The following LMNB1 variants were observed in gnomAD, a reference collection of about 807,000 sequenced individuals.
The protein encoded by LMNB1 is lamin-B1.
Under a neutral mutation model 67.1 loss-of-function variants are expected in LMNB1, and 23 were observed. The ratio of observed to expected loss-of-function variants is 0.34; its 90% CI spans 0.25 to 0.49. The LOEUF (loss-of-function observed/expected upper bound fraction) is 0.49. Among genes scored for constraint, LMNB1 ranks in the 20% least tolerant of loss-of-function variants. The pLI is 0.99. For missense variants in LMNB1, 634 were observed against 746.5 expected (o/e 0.85, Z 1.76); for synonymous variants, 281 against 282.9 (o/e 0.99, Z 0.07).
At chr5:126,824,613 A>G (rs933335652) in intron 8 of LMNB1, among the ~76,000 whole-genome samples, 1 of 152,240 alleles carries the variant, frequency 6.6e-6, no homozygotes, top group Non-Finnish European at 1.5e-5. Flanking sequence ...GTGATTACAT[A>G]TAGGCTAGTG....
intron 1 of LMNB1, among the ~76,000 whole-genome samples, chr5:126,800,808 A>C (rs959794584): frequency 6.8e-6 from 1 of 146,958 alleles, no homozygotes; most frequent in African/African-American, 2.5e-5. Context: ...ATGTGCCATC[A>C]CGCCTGGCTA....
intron 1 of LMNB1, among the ~76,000 whole-genome samples, chr5:126,800,960 T>C (rs1255457223): frequency 5.5e-5 from 4 of 73,000 alleles, no homozygotes; most frequent in Admixed American, 1.6e-4. Context: ...ACTATATATA[T>C]ATATATATAT....
chr5:126,824,141 A>G (rs1456674438), intron 8 of LMNB1, among the ~76,000 whole-genome samples: 1 of 152,228 alleles, frequency 6.6e-6, no homozygotes, highest in East Asian at 1.9e-4. Context: ...AAATGTGATA[A>G]GCAGCTCTTT....
Position 126,810,185 on chromosome 5 carries a change from T to G in LMNB1, c.648T>G (p.Ile216Met), listed in dbSNP as rs774962211. Reference protein sequence around the residue: ...EFRKSMYEEEINETRRKHETR... With the variant: ...EFRKSMYEEEMNETRRKHETR... The stretch of plus-strand genomic sequence containing the variant: ...GCTTTTTGTTTTTTCCCCAGGAGAT[T>G]AACGAGACCAGAAGGAAGCATGAAA... Residue 216 changes from isoleucine (I) to methionine (M), a missense_variant, in exon 4 of 11, where the codon ATT becomes ATG. Transcript: ENST00000261366. 6 of 1,610,158 alleles carry G rather than the reference T, an allele frequency of 3.7e-6. No homozygotes were observed. In the African/African-American group the frequency reaches 6.7e-5, roughly 18 times the overall value.
At chr5:126,790,595 A>G (rs1336294429) in intron 1 of LMNB1, among the ~76,000 whole-genome samples, 1 of 152,096 alleles carries the variant, frequency 6.6e-6, no homozygotes, top group Non-Finnish European at 1.5e-5. Flanking sequence ...ATAATTATAT[A>G]GAGTCTATGC....
intron 1 of LMNB1, among the ~76,000 whole-genome samples, chr5:126,781,147 C>G (rs184356703): frequency 1.3e-5 from 2 of 152,124 alleles, no homozygotes; most frequent in African/African-American, 4.8e-5. Context: ...AAATTAGCCG[C>G]GTGTGGTAGT....
intron 1 of LMNB1, among the ~76,000 whole-genome samples, chr5:126,786,112 C>CTTTTTTTTTTT (rs70997312): frequency 9.4e-6 from 1 of 106,662 alleles, no homozygotes; most frequent in Non-Finnish European, 1.8e-5. Flanking sequence ...CAGACATTAT[C>CTTTTTTTTTTT]TTTTTTTTTT....
rs747828643 is a variant in LMNB1 at position 126,804,909 on chromosome 5, G to C, written c.493G>C (p.Asp165His). ...AAAAAGTTTAGAGGGAGATTTGGAG[G>C]ATCTGAAGGATCAGATTGCCCAGGT... ...DKKSLEGDLE[D>H]LKDQIAQLEA... is the part of the protein sequence containing the mutation. Residue 165 changes from aspartate to histidine, a missense_variant, in exon 2 of 11, where the codon GAT becomes CAT. Coordinates refer to ENST00000261366, the MANE Select transcript of LMNB1 (RefSeq NM_005573.4). 15 of 1,613,998 alleles carry C rather than the reference G, an allele frequency of 9.3e-6. No individual in the cohort carries two copies. The highest frequency in any genetic ancestry group is 1.3e-5 in the Non-Finnish European group (15 of 1,179,934).
At chr5:126,812,854 C>T (rs1171742049) in intron 5 of LMNB1, among the ~76,000 whole-genome samples, 22 of 151,824 alleles carry the variant, frequency 1.4e-4, no homozygotes, top group Non-Finnish European at 2.9e-5. Context: ...CCTCAGCCTC[C>T]CAAGTAGCTG....
At chr5:126,793,613 G>A (rs763038729) in intron 1 of LMNB1, among the ~76,000 whole-genome samples, 8 of 152,084 alleles carry the variant, frequency 5.3e-5, no homozygotes, top group African/African-American at 7.2e-5. Flanking sequence ...GGTGGCTCAC[G>A]CCTGTAATCC....
At position 126,777,487 on chromosome 5, in the gene LMNB1, C is replaced by A; in HGVS notation, c.-22C>A. The A allele has an allele frequency of 2.3e-6, 3 of 1,315,084 alleles. No individual in the cohort carries two copies. The highest frequency in any genetic ancestry group is 2.9e-6 in the Non-Finnish European group (3 of 1,035,582). The allele number at this position is 1,315,084 out of a possible 1,614,324, so 81.5% of individuals were successfully genotyped here. A position where few individuals can be genotyped will look rare whatever the true frequency, so the allele number is the denominator to read the frequency against. On this transcript the variant is annotated 5_prime_UTR_variant, in exon 1 of 11. Coordinates refer to ENST00000261366, the MANE Select transcript of LMNB1 (RefSeq NM_005573.4). ...ACGGTCCCGCTCGCGGCCTCGCCGC[C>A]CCGCTGTCTCCGCCGCCCGCCATGG...
At position 126,777,388 on chromosome 5, in the gene LMNB1, C is replaced by T. The variant is rs1293317451; in HGVS notation, c.-121C>T. On this transcript the variant is annotated 5_prime_UTR_variant, in exon 1 of 11. Coordinates refer to ENST00000261366, the MANE Select transcript of LMNB1 (RefSeq NM_005573.4). Reference sequence around the variant, plus strand: ...GCTTCTCCGTTCCTCTAAACGCCAGCGTCTGGACGTGAGCGCAGGTCGCCG... The same window carrying T: ...GCTTCTCCGTTCCTCTAAACGCCAGTGTCTGGACGTGAGCGCAGGTCGCCG... The T allele has an allele frequency of 1.5e-5, 17 of 1,140,994 alleles. No individual in the cohort carries two copies. Among genetic ancestry groups the T allele is most frequent in the South Asian group, 3.9e-5 (1 of 25,938 alleles). The allele number at this position is 1,140,994 out of a possible 1,614,324, so 70.7% of individuals were successfully genotyped here.
At chr5:126,789,949 A>G (rs1690016708) in intron 1 of LMNB1, among the ~76,000 whole-genome samples, 1 of 152,056 alleles carries the variant, frequency 6.6e-6, no homozygotes, top group Admixed American at 6.6e-5. Context: ...CTGGGATTAC[A>G]GGCGTGAGCC....
chr5:126,812,462 T>C (rs933961612), intron 5 of LMNB1, among the ~76,000 whole-genome samples: 2 of 152,236 alleles, frequency 1.3e-5, no homozygotes, highest in Non-Finnish European at 2.9e-5. Context: ...GCCGGCTGTG[T>C]TGACTGGCTG....
intron 3 of LMNB1, among the ~76,000 whole-genome samples, chr5:126,805,924 A>G (rs1561744830): frequency 6.6e-6 from 1 of 152,168 alleles, no homozygotes; most frequent in Non-Finnish European, 1.5e-5. Context: ...GTAAACAGAT[A>G]TGATTTCACT....
intron 1 of LMNB1, among the ~76,000 whole-genome samples, chr5:126,778,984 T>A (rs145459263): frequency 6.6e-6 from 1 of 152,324 alleles, no homozygotes; most frequent in Non-Finnish European, 1.5e-5. Context: ...GCAACAAGTG[T>A]TGATGTCATG....
At chr5:126,792,299 C>T (rs1019840182) in intron 1 of LMNB1, among the ~76,000 whole-genome samples, 3 of 151,808 alleles carry the variant, frequency 2.0e-5, no homozygotes, top group Non-Finnish European at 4.4e-5. Flanking sequence ...CGTGCCATTA[C>T]GCCTGGCTAA....
chr5:126,833,794 T>C (rs1752188274), intron 10 of LMNB1, among the ~76,000 whole-genome samples: 1 of 152,188 alleles, frequency 6.6e-6, no homozygotes, highest in South Asian at 2.1e-4. Flanking sequence ...GAGGAGGTAC[T>C]CCAGGCCAGC....
intron 5 of LMNB1, among the ~76,000 whole-genome samples, chr5:126,815,431 C>T (rs1373604835): frequency 2.0e-5 from 3 of 152,154 alleles, no homozygotes; most frequent in Non-Finnish European, 2.9e-5. Context: ...TGGTTAGAGT[C>T]TGCTTGCCTT....
Sources: gnomAD v4.1 joint callset for allele counts (sites outside exome capture counted in the v4.1 genomes callset) on GRCh38, gnomAD v4.1.1 for gene constraint, MANE v1.5 for transcripts, NCBI Gene and HGNC (gene_info 2026-07-23, HGNC 2026-07-21) for gene names.